Variants in PPIL6 observed in about 807,000 individuals in gnomAD.
PPIL6 encodes peptidylprolyl isomerase like 6, also known as probable inactive peptidyl-prolyl cis-trans isomerase-like 6.
In PPIL6, 39 loss-of-function variants were observed where a neutral mutation model predicts 36.8. The ratio of observed to expected loss-of-function variants is 1.06; its 90% CI spans 0.82 to 1.38. The LOEUF is 1.38. PPIL6 is among the 40% of genes most tolerant of loss of function. The pLI, the probability that PPIL6 is intolerant of heterozygous loss-of-function variation, is 0.00. For synonymous variants in PPIL6, 123 were observed against 134.1 expected, an observed-to-expected ratio of 0.92 and a Z score of 0.57; for missense variants, 368 against 379.1, an observed-to-expected ratio of 0.97 and a Z score of 0.24.
chr6:109,432,690 G>A (rs776111486), intron 2 of PPIL6, among the ~76,000 whole-genome samples: 1 of 152,004 alleles, frequency 6.6e-6, no homozygotes, highest in Non-Finnish European at 1.5e-5. Context: ...CTGAATTCCT[G>A]GGCTCAAGAT....
intron 6 of PPIL6, among the ~76,000 whole-genome samples, chr6:109,407,286 C>T (rs555309626): frequency 6.6e-6 from 1 of 151,494 alleles, no homozygotes; most frequent in East Asian, 1.9e-4. Context: ...TTCGCCCAGG[C>T]CGGACTGCAG....
chr6:109,412,849 C>A (rs1255095469), intron 6 of PPIL6, among the ~76,000 whole-genome samples: 2 of 152,066 alleles, frequency 1.3e-5, no homozygotes, highest in Admixed American at 1.3e-4. Context: ...AGATTCTGCA[C>A]AACAAAGGAA....
At chr6:109,404,168 G>T (rs1361948064) in intron 6 of PPIL6, among the ~76,000 whole-genome samples, 2 of 152,204 alleles carry the variant, frequency 1.3e-5, no homozygotes, top group African/African-American at 4.8e-5. Context: ...AACAGTCTAA[G>T]GATGGGGTGA....
intron 1 of PPIL6, among the ~76,000 whole-genome samples, chr6:109,439,690 G>A (rs148226848): frequency 1.1e-4 from 16 of 152,290 alleles, no homozygotes; most frequent in African/African-American, 3.6e-4. Context: ...TACTTCGGGA[G>A]TTAAAAACAT....
chr6:109,423,682 A>G (rs1038828759), intron 5 of PPIL6, among the ~76,000 whole-genome samples: 10 of 152,084 alleles, frequency 6.6e-5, no homozygotes, highest in African/African-American at 2.4e-4. Flanking sequence ...TTTGTGTAAA[A>G]AAGTTTATTT....
intron 3 of PPIL6, among the ~76,000 whole-genome samples, chr6:109,427,554 T>A (rs75436970): frequency 1.3e-5 from 2 of 152,014 alleles, no homozygotes; most frequent in African/African-American, 4.8e-5. Flanking sequence ...GCCCAGCTAA[T>A]TTTTGTATTT....
chr6:109,393,214 C>A (rs1772161146), intron 7 of PPIL6, among the ~76,000 whole-genome samples: 1 of 135,430 alleles, frequency 7.4e-6, no homozygotes, highest in Admixed American at 7.5e-5. Flanking sequence ...TCCCTGCAGT[C>A]AGGGTGATTT....
chr6:109,440,607 G>T lies in PPIL6; in HGVS notation c.-17C>A, dbSNP rs979917030. ...CCTTGCCATGGCCGCGCCCGGGGAC[G>T]CCCGGTGACCCCAAACACTGCGCGT... On this transcript the variant is annotated 5_prime_UTR_variant, in exon 1 of 8. Transcript: ENST00000521072. 8.3e-6 allele frequency: 11 copies of T among 1,328,674 alleles called. No individual in the cohort carries two copies. The highest frequency in any genetic ancestry group is 3.2e-5 in the East Asian group (1 of 30,792). The allele number at this position is 1,328,674 out of a possible 1,614,324, so 82.3% of individuals were successfully genotyped here. A position where few individuals can be genotyped will look rare whatever the true frequency, so the allele number is the denominator to read the frequency against.
Position 109,392,680 on chromosome 6 carries a change from G to T in PPIL6, c.*146C>A. ...TATGACAGAGACAGGAAAGGAAGATGGGGAGGGATTGGGTGTAGATGAGGC... is the reference window on the plus strand; with the variant it reads ...TATGACAGAGACAGGAAAGGAAGATTGGGAGGGATTGGGTGTAGATGAGGC... On this transcript the variant is annotated 3_prime_UTR_variant, in exon 8 of 8. Coordinates refer to ENST00000521072, the MANE Select transcript of PPIL6 (RefSeq NM_173672.5). 1 of 579,362 alleles carries T rather than the reference G, an allele frequency of 1.7e-6. No individual in the cohort carries two copies. The highest frequency in any genetic ancestry group is 3.0e-6 in the Non-Finnish European group (1 of 328,992). 35.9% of individuals were successfully genotyped at this position (579,362 alleles called of 1,614,324 possible). A position where few individuals can be genotyped will look rare whatever the true frequency, so the allele number is the denominator to read the frequency against.
At chr6:109,425,698 C>T (rs1482849291) in intron 5 of PPIL6, among the ~76,000 whole-genome samples, 1 of 148,424 alleles carries the variant, frequency 6.7e-6, no homozygotes, top group Non-Finnish European at 1.5e-5. Flanking sequence ...TGCAGTGAGC[C>T]GAGATCGTGC....
Position 109,440,328 on chromosome 6 carries a change from C to T in PPIL6, c.135+128G>A, listed in dbSNP as rs908956887. 39 of 1,208,052 alleles carry T rather than the reference C, an allele frequency of 3.2e-5. No individual in the cohort carries two copies. In the East Asian group the frequency reaches 9.4e-4, roughly 29 times the overall value. 74.8% of individuals were successfully genotyped at this position (1,208,052 alleles called of 1,614,324 possible). ...ACGGAGCCCGCCCGGCCAGGACACG[C>T]CAGCCCCTTCCTCGGCCGGTGGGGC... On this transcript the variant is annotated intron_variant, in intron 1 of 7. Coordinates refer to ENST00000521072, the MANE Select transcript of PPIL6 (RefSeq NM_173672.5).
chr6:109,425,749 CAAAA>C (rs34275471), intron 5 of PPIL6, among the ~76,000 whole-genome samples: 5 of 103,660 alleles, frequency 4.8e-5, no homozygotes, highest in Non-Finnish European at 4.0e-5. Context: ...GACTCCGTTT[CAAAA>C]AAAAAAAAAA....
upstream of PPIL6, chr6:109,440,812 G>A (rs1178861703): frequency 2.7e-6 from 1 of 368,954 alleles, no homozygotes. Context: ...ACCGGGAGCC[G>A]CCCACCCGGG....
At position 109,392,922 on chromosome 6, in the gene PPIL6, TC is replaced by T; in HGVS notation, c.839del (p.Gly280GlufsTer8). ...ATTCTAGTTGTTTAAGCACTTCTGT[TC>T]CTTCAATCAGTTGCCTACATAGGAG... ...KFVAFGQLIEGTEVLKQLELV... is the reference protein window; with the variant it reads ...KFVAFGQLIEXTEVLKQLELV... On this transcript the variant is annotated frameshift_variant, in exon 8 of 8. Transcript: ENST00000521072. LOFTEE classifies it high-confidence loss of function. The T allele has an allele frequency of 1.2e-6, 2 of 1,607,454 alleles. No homozygotes were observed. Among genetic ancestry groups the T allele is most frequent in the Non-Finnish European group, 1.7e-6 (2 of 1,176,184 alleles).
At chr6:109,435,662 C>T (rs376583294) in intron 2 of PPIL6, among the ~76,000 whole-genome samples, 1 of 152,116 alleles carries the variant, frequency 6.6e-6, no homozygotes, top group East Asian at 1.9e-4. Flanking sequence ...CAGTGACTCA[C>T]GCCTGTAATC....
intron 2 of PPIL6, among the ~76,000 whole-genome samples, chr6:109,434,178 A>G (rs944921619): frequency 2.0e-5 from 3 of 152,178 alleles, no homozygotes; most frequent in Non-Finnish European, 4.4e-5. Context: ...TACTTTTAGC[A>G]CCAAAATTCC....
In PPIL6 at chr6:109,439,174, A is replaced by G. The variant is rs1354647266; in HGVS notation, c.135+1282T>C. On this transcript the variant is annotated intron_variant, in intron 1 of 7. Coordinates refer to ENST00000521072, the MANE Select transcript of PPIL6 (RefSeq NM_173672.5). ...AATATGTGCCTTCAGAAAAAGAGCG[A>G]AAAAAAAGAGAAAAAAAATCTCTGA... is the stretch of plus-strand genomic sequence containing the variant. Among the ~76,000 whole-genome samples the G allele has an allele frequency of 4.6e-5, 7 of 152,092 alleles. No individual in the cohort carries two copies. In the East Asian group the frequency reaches 1.2e-3, roughly 25 times the overall value.
Position 109,440,503 on chromosome 6 carries a change from C to G in PPIL6, c.88G>C (p.Gly30Arg). The G allele has an allele frequency of 6.5e-7, 1 of 1,533,846 alleles. No homozygotes were observed. The highest frequency in any genetic ancestry group is 8.8e-7 in the Non-Finnish European group (1 of 1,140,380). The change falls in exon 1 of 8, where the codon GGG becomes CGG. Residue 30 changes from glycine (G) to arginine (R), a missense_variant. Coordinates refer to ENST00000521072, the MANE Select transcript of PPIL6 (RefSeq NM_173672.5). ...TGAAAGTTGGGGCAGCTGAAGAGCC[C>G]CACCACCTTCACCTGCAGCGGCCGC... is the stretch of plus-strand genomic sequence containing the variant. Reference protein sequence around the residue: ...PERPLQVKVVGLFSCPNFQIA... With the variant: ...PERPLQVKVVRLFSCPNFQIA...
At position 109,438,944 on chromosome 6, in the gene PPIL6, G is replaced by A. The variant is rs192300771; in HGVS notation, c.135+1512C>T. 5.3e-5 allele frequency among the ~76,000 whole-genome samples: 8 copies of A among 152,160 alleles called. No homozygotes were observed. In the East Asian group the frequency reaches 9.6e-4, roughly 18 times the overall value. Reference sequence around the variant, plus strand: ...ATTTCACGTTATGTGAAAATTATACGCAAGTCAAATTTCGTGTCCATAATA... The same window carrying A: ...ATTTCACGTTATGTGAAAATTATACACAAGTCAAATTTCGTGTCCATAATA... On this transcript the variant is annotated intron_variant, in intron 1 of 7. Transcript: ENST00000521072.
Sources: allele counts gnomAD v4.1 joint callset (sites outside exome capture counted in the v4.1 genomes callset), GRCh38; gene constraint gnomAD v4.1.1; transcripts MANE v1.5; gene names NCBI Gene and HGNC (gene_info 2026-07-23, HGNC 2026-07-21).